Variants in PRKG1 observed in about 807,000 individuals in gnomAD.
PRKG1 encodes the protein cGMP-dependent protein kinase 1.
PRKG1 carries 35 observed loss-of-function variants against 88.1 expected under a neutral mutation model. That is an observed-to-expected ratio of 0.40 (90% CI 0.30 to 0.53). The LOEUF (loss-of-function observed/expected upper bound fraction) is 0.53, where lower values mean the gene tolerates loss of function less well. PRKG1 is among the 20% of genes least tolerant of loss of function. The pLI, the probability that PRKG1 is intolerant of heterozygous loss-of-function variation, is 0.59. For synonymous variants in PRKG1, 303 were observed against 292.5 expected (o/e 1.04, Z -0.37); for missense variants, 540 against 839.8 (o/e 0.64, Z 4.41).
At chr10:51,834,321 G>A (rs962786689) in intron 4 of PRKG1, among the ~76,000 whole-genome samples, 2 of 152,018 alleles carry the variant, frequency 1.3e-5, no homozygotes, top group African/African-American at 4.8e-5. Context: ...AAACAGAACT[G>A]TGTTCTAGGC....
chr10:51,680,275 C>G (rs1840818261), intron 3 of PRKG1, among the ~76,000 whole-genome samples: 1 of 150,144 alleles, frequency 6.7e-6, no homozygotes, highest in Non-Finnish European at 1.5e-5. Flanking sequence ...TACCCTAAAA[C>G]TTAAAGTATA....
At chr10:52,034,629 T>C (rs1239891480) in intron 5 of PRKG1, among the ~76,000 whole-genome samples, 2 of 150,642 alleles carry the variant, frequency 1.3e-5, no homozygotes, top group Non-Finnish European at 3.0e-5. Flanking sequence ...GAGTTAAGAG[T>C]GGCAGTTTGG....
chr10:51,630,272 T>G (rs2132279210), intron 3 of PRKG1, among the ~76,000 whole-genome samples: 1 of 152,236 alleles, frequency 6.6e-6, no homozygotes, highest in African/African-American at 2.4e-5. Flanking sequence ...CAGACATGAG[T>G]TAAGGGCATG....
At position 51,592,947 on chromosome 10, in the gene PRKG1, G is replaced by T. The variant is rs116708965; in HGVS notation, c.592+125111G>T. 1.7e-3 allele frequency among the ~76,000 whole-genome samples: 262 copies of T among 152,280 alleles called. 3 individuals carry two copies. The highest frequency in any genetic ancestry group is 6.0e-3 in the African/African-American group (250 of 41,572). On this transcript the variant is annotated intron_variant, in intron 3 of 17. Coordinates refer to ENST00000373980, the MANE Select transcript of PRKG1 (RefSeq NM_006258.4). Reference sequence around the variant, plus strand: ...GGAGCAGTTCTTTTTGTTCTAAACTGTGATGGCTTTGTTCCTCATTTAATC... The same window carrying T: ...GGAGCAGTTCTTTTTGTTCTAAACTTTGATGGCTTTGTTCCTCATTTAATC...
intron 2 of PRKG1, among the ~76,000 whole-genome samples, chr10:51,463,615 G>T (rs545710888): frequency 6.6e-6 from 1 of 152,194 alleles, no homozygotes; most frequent in African/African-American, 2.4e-5. Context: ...CTGGGTGTAC[G>T]CAGAAAGCTT....
At chr10:51,600,762 C>T (rs1838576278) in intron 3 of PRKG1, among the ~76,000 whole-genome samples, 1 of 152,126 alleles carries the variant, frequency 6.6e-6, no homozygotes, top group Admixed American at 6.5e-5. Flanking sequence ...CCACATGTGA[C>T]TAGTGGCTAC....
chr10:51,504,637 T>C (rs935228324), intron 3 of PRKG1, among the ~76,000 whole-genome samples: 5 of 152,170 alleles, frequency 3.3e-5, no homozygotes, highest in Non-Finnish European at 1.5e-5. Flanking sequence ...TGTATCCTCT[T>C]TTATTTCATT....
rs11000786 is a variant in PRKG1, at chr10:52,101,937, C to T, written c.936-31903C>T. 8.9e-3 allele frequency among the ~76,000 whole-genome samples: 1,357 copies of T among 152,260 alleles called. 20 individuals carry two copies. Among genetic ancestry groups the T allele is most frequent in the African/African-American group, 0.03 (1,261 of 41,544 alleles). The stretch of plus-strand genomic sequence containing the variant: ...CAGGACTTAAGGCAGGAAGGAATAG[C>T]CTAACTCTATTTTGTGCAAATGAAG... On this transcript the variant is annotated intron_variant, in intron 7 of 17. Transcript: ENST00000373980.
intron 4 of PRKG1, among the ~76,000 whole-genome samples, chr10:51,879,246 T>C (rs1841377864): frequency 6.6e-6 from 1 of 152,218 alleles, no homozygotes; most frequent in South Asian, 2.1e-4. Flanking sequence ...TATCCTTTGA[T>C]TAGTTTTGTT....
At chr10:52,280,258 C>T (rs1397587133) in intron 12 of PRKG1, among the ~76,000 whole-genome samples, 1 of 152,080 alleles carries the variant, frequency 6.6e-6, no homozygotes, top group African/African-American at 2.4e-5. Context: ...GCATCAGTAG[C>T]ATTATAACTT....
At chr10:51,250,204 T>C (rs886890810) in intron 2 of PRKG1, among the ~76,000 whole-genome samples, 4 of 151,820 alleles carry the variant, frequency 2.6e-5, no homozygotes. Context: ...ATATCTAAAT[T>C]TATCTTGCTT....
intron 2 of PRKG1, among the ~76,000 whole-genome samples, chr10:51,340,406 C>T (rs1841978726): frequency 6.6e-6 from 1 of 152,104 alleles, no homozygotes; most frequent in Non-Finnish European, 1.5e-5. Context: ...TCATCTTCCT[C>T]TTATCAGTTT....
At chr10:52,255,997 G>A (rs898216803) in intron 10 of PRKG1, among the ~76,000 whole-genome samples, 5 of 148,030 alleles carry the variant, frequency 3.4e-5, no homozygotes, top group African/African-American at 1.2e-4. Flanking sequence ...TTACAGGAAA[G>A]AAGACAAGAA....
At chr10:51,511,808 A>G (rs1841421144) in intron 3 of PRKG1, among the ~76,000 whole-genome samples, 1 of 152,230 alleles carries the variant, frequency 6.6e-6, no homozygotes, top group African/African-American at 2.4e-5. Flanking sequence ...AAATGCATAT[A>G]GGTAGCAACG....
intron 5 of PRKG1, among the ~76,000 whole-genome samples, chr10:52,022,849 T>C (rs1440177318): frequency 6.6e-6 from 1 of 152,150 alleles, no homozygotes; most frequent in Non-Finnish European, 1.5e-5. Flanking sequence ...TATGGAAATG[T>C]AGAATCCACA....
intron 9 of PRKG1, among the ~76,000 whole-genome samples, chr10:52,225,872 C>T (rs1840375501): frequency 6.6e-6 from 1 of 152,086 alleles, no homozygotes; most frequent in African/African-American, 2.4e-5. Flanking sequence ...CAGTACCACA[C>T]TGTTTTGGTC....
chr10:51,224,475 C>T (rs765077437), intron 2 of PRKG1, among the ~76,000 whole-genome samples: 1 of 152,186 alleles, frequency 6.6e-6, no homozygotes, highest in Non-Finnish European at 1.5e-5. Context: ...TTTCAGACAT[C>T]AAACTAATTT....
intron 8 of PRKG1, 45 bp from the exon 9 acceptor site, chr10:52,161,844 A>G: frequency 3.2e-6 from 5 of 1,549,930 alleles, no homozygotes; most frequent in Non-Finnish European, 4.4e-6. Flanking sequence ...TGCCATTGCT[A>G]CTATTTTGTA....
intron 5 of PRKG1, among the ~76,000 whole-genome samples, chr10:51,960,285 T>G (rs902754929): frequency 4.6e-5 from 7 of 152,110 alleles, no homozygotes; most frequent in Non-Finnish European, 7.4e-5. Flanking sequence ...TTTTCTACCC[T>G]TGAGCTAATT....
Sources: gnomAD v4.1 joint callset for allele counts (sites outside exome capture counted in the v4.1 genomes callset) on GRCh38, gnomAD v4.1.1 for gene constraint, MANE v1.5 for transcripts, NCBI Gene and HGNC (gene_info 2026-07-23, HGNC 2026-07-21) for gene names.